PANK1: variants seen among roughly 807,000 people sequenced by gnomAD.
PANK1 encodes the protein pantothenic acid kinase 1.
PANK1 carries 18 observed loss-of-function variants against 40.1 expected under a neutral mutation model. That is an observed-to-expected ratio of 0.45 (90% CI 0.31 to 0.67). The LOEUF (loss-of-function observed/expected upper bound fraction) is 0.67. Ranked by LOEUF, PANK1 falls within the 30% of genes least tolerant of loss-of-function variation. The pLI is 0.06. For synonymous variants in PANK1, 242 were observed against 237.7 expected (o/e 1.02, Z -0.17); for missense variants, 457 against 599.6 (o/e 0.76, Z 2.48).
rs1844126339 is a variant in PANK1, at chr10:89,584,344, C to T, written c.*62G>A. On this transcript the variant is annotated 3_prime_UTR_variant, in exon 7 of 7. Coordinates refer to ENST00000307534, the MANE Select transcript of PANK1 (RefSeq NM_148977.3). ...TCCGTCCCAAAGCGACTTTCACCTT[C>T]TCCAGCAGCAATTTTTTAGTTCTCT... is the stretch of plus-strand genomic sequence containing the variant. The T allele has an allele frequency of 1.8e-6, 2 of 1,098,164 alleles. No homozygotes were observed. Among genetic ancestry groups the T allele is most frequent in the African/African-American group, 1.5e-5 (1 of 64,916 alleles). 68.0% of individuals were successfully genotyped at this position (1,098,164 alleles called of 1,614,324 possible).
intron 1 of PANK1, among the ~76,000 whole-genome samples, chr10:89,639,491 C>G (rs1180026310): frequency 6.6e-6 from 1 of 152,212 alleles, no homozygotes; most frequent in Admixed American, 6.5e-5. Context: ...ACTTGATATA[C>G]ATTTTCCACA....
intron 1 of PANK1, among the ~76,000 whole-genome samples, chr10:89,620,717 G>A (rs543158202): frequency 2.8e-4 from 43 of 152,064 alleles, no homozygotes; most frequent in African/African-American, 9.4e-4. Context: ...CTCCCTGTTC[G>A]TACCCCCTTC....
chr10:89,618,959 C>T (rs11185801), intron 1 of PANK1, among the ~76,000 whole-genome samples: 23,082 of 152,084 alleles, frequency 0.15, 2,200 homozygotes, highest in East Asian at 0.45. Context: ...ACAGAATAAC[C>T]TTGCCTATGC....
intron 3 of PANK1, among the ~76,000 whole-genome samples, chr10:89,595,813 T>A (rs1261508812): frequency 8.7e-5 from 4 of 45,738 alleles, no homozygotes; most frequent in Non-Finnish European, 1.5e-4. Context: ...CCGGACTCCA[T>A]CTTAAAAAAA....
In PANK1 at chr10:89,645,024, A is replaced by G; in HGVS notation, c.-133T>C. The stretch of plus-strand genomic sequence containing the variant: ...GCAGCCGCAGAGCCGGCGCCTGGGG[A>G]TGGCGAACCCGGCGCTCCTCCCCTC... On this transcript the variant is annotated 5_prime_UTR_variant, in exon 1 of 7. Transcript: ENST00000307534. 1 of 1,566,348 alleles carries G rather than the reference A, an allele frequency of 6.4e-7. No homozygotes were observed. Among genetic ancestry groups the G allele is most frequent in the Non-Finnish European group, 8.6e-7 (1 of 1,160,272 alleles).
chr10:89,588,292 C>T (rs1438384091), intron 6 of PANK1, among the ~76,000 whole-genome samples: 3 of 152,082 alleles, frequency 2.0e-5, no homozygotes, highest in Admixed American at 1.3e-4. Context: ...GTGCAGGCAT[C>T]TCTTCGACAT....
intron 1 of PANK1, among the ~76,000 whole-genome samples, chr10:89,637,503 A>G (rs1331667596): frequency 6.6e-6 from 1 of 152,188 alleles, no homozygotes; most frequent in Non-Finnish European, 1.5e-5. Context: ...AATTGTAACA[A>G]TGGTTAGTAT....
intron 2 of PANK1, among the ~76,000 whole-genome samples, chr10:89,610,224 G>C (rs746170002): frequency 6.6e-6 from 1 of 151,310 alleles, no homozygotes; most frequent in Non-Finnish European, 1.5e-5. Context: ...ATGAGGCCCA[G>C]AGAAGGGACA....
chr10:89,598,609 G>A (rs1844679483), intron 3 of PANK1, among the ~76,000 whole-genome samples: 1 of 152,114 alleles, frequency 6.6e-6, no homozygotes, highest in South Asian at 2.1e-4. Flanking sequence ...TTTTTCCCAT[G>A]TTGAATACCC....
chr10:89,591,313 T>C (rs928301124), intron 5 of PANK1, among the ~76,000 whole-genome samples: 4 of 152,194 alleles, frequency 2.6e-5, no homozygotes, highest in African/African-American at 9.7e-5. Context: ...GTGGAAATGG[T>C]GACTCACTTC....
chr10:89,641,769 AAAT>A (rs1554843761), intron 1 of PANK1, among the ~76,000 whole-genome samples: 9 of 68,174 alleles, frequency 1.3e-4, no homozygotes, highest in African/African-American at 3.7e-4. Context: ...ATAAATAAAT[AAAT>A]AAAATAAAAA....
intron 2 of PANK1, among the ~76,000 whole-genome samples, chr10:89,601,840 T>C (rs147799012): frequency 2.2e-4 from 33 of 152,348 alleles, no homozygotes; most frequent in African/African-American, 7.9e-4. Flanking sequence ...TCTGGAGACC[T>C]GAAAGACTAT....
intron 1 of PANK1, among the ~76,000 whole-genome samples, chr10:89,613,693 G>T (rs892346514): frequency 1.3e-5 from 2 of 152,234 alleles, no homozygotes; most frequent in African/African-American, 4.8e-5. Flanking sequence ...TCTGCAACCA[G>T]TGTAGGTTGG....
chr10:89,581,340 G>A (rs1275920630), downstream of PANK1: 2 of 152,366 alleles, frequency 1.3e-5, no homozygotes, highest in East Asian at 1.9e-4. Flanking sequence ...ATAAGGTGAA[G>A]AACACAACTA....
intron 1 of PANK1, among the ~76,000 whole-genome samples, chr10:89,624,316 A>C (rs891440730): frequency 6.6e-6 from 1 of 152,254 alleles, no homozygotes; most frequent in Non-Finnish European, 1.5e-5. Flanking sequence ...AATCAGAAGA[A>C]AATATATGAA....
Position 89,595,827 on chromosome 10 carries a change from AAAAAAAATATATATATATAT to A in PANK1, c.900-1858_900-1839del, listed in dbSNP as rs1274015763. ...GCCGGACTCCATCTTAAAAAAAAAA[AAAAAAAATATATATATATAT>A]ATATATATATATATATATATATATA... On this transcript the variant is annotated intron_variant, in intron 3 of 6. Transcript: ENST00000307534. Among the ~76,000 whole-genome samples the A allele has an allele frequency of 3.5e-4, 25 of 71,390 alleles. 1 individual carries two copies. The highest frequency in any genetic ancestry group is 1.4e-3 in the African/African-American group (20 of 14,396). 46.8% of individuals were successfully genotyped at this position (71,390 alleles called of 152,430 possible).
chr10:89,644,434 C>G (rs1842052877), intron 1 of PANK1, among the ~76,000 whole-genome samples, 166 bp downstream of exon 1: 1 of 152,240 alleles, frequency 6.6e-6, no homozygotes, highest in African/African-American at 2.4e-5. Flanking sequence ...TGCTTGATGT[C>G]CCCTAGGAAA....
At chr10:89,599,109 A>G in intron 3 of PANK1, 143 bp downstream of exon 3, 1 of 704,336 alleles carries the variant, frequency 1.4e-6, no homozygotes, top group Non-Finnish European at 2.4e-6. Flanking sequence ...CCACTTTAAC[A>G]CACCATTTGA....
intron 1 of PANK1, among the ~76,000 whole-genome samples, chr10:89,619,849 AG>A (rs1307353879): frequency 6.6e-6 from 1 of 152,252 alleles, no homozygotes; most frequent in African/African-American, 2.4e-5. Flanking sequence ...ACAGAAAAAA[AG>A]CTTTAAACAC....
Sources: gnomAD v4.1 joint callset for allele counts (sites outside exome capture counted in the v4.1 genomes callset) on GRCh38, gnomAD v4.1.1 for gene constraint, MANE v1.5 for transcripts, NCBI Gene and HGNC (gene_info 2026-07-23, HGNC 2026-07-21) for gene names.